Variants in RAB2B observed in about 807,000 individuals in gnomAD.
The protein encoded by RAB2B is RAB2B, member RAS oncogene family.
Under a neutral mutation model 29.8 loss-of-function variants are expected in RAB2B, and 20 were observed. That is an observed-to-expected ratio of 0.67 (90% CI 0.47 to 0.97). The LOEUF is 0.97. Ranked by LOEUF, RAB2B falls within the 50% of genes least tolerant of loss-of-function variation. The pLI, the probability that RAB2B is intolerant of heterozygous loss-of-function variation, is 0.00. For missense variants in RAB2B, 218 were observed against 272.0 expected, an observed-to-expected ratio of 0.80 and a Z score of 1.40; for synonymous variants, 93 against 91.7, an observed-to-expected ratio of 1.01 and a Z score of -0.08.
In RAB2B at chr14:21,471,627, AAAAAG is replaced by A. The variant is rs1471919783; in HGVS notation, c.187-2880_187-2876del. Among the ~76,000 whole-genome samples the A allele has an allele frequency of 4.0e-5, 6 of 150,968 alleles. No individual in the cohort carries two copies. In the East Asian group the frequency reaches 9.7e-4, roughly 24 times the overall value. ...AGCAAGACCCTGTCAAAAAAAAAAA[AAAAAG>A]AAAAGAAAAGATGCAGCAGCAACGA... is the stretch of plus-strand genomic sequence containing the variant. On this transcript the variant is annotated intron_variant, in intron 3 of 7. Coordinates refer to ENST00000397762, the MANE Select transcript of RAB2B (RefSeq NM_032846.4).
At position 21,460,262 on chromosome 14, in the gene RAB2B, T is replaced by C. The variant is rs769215140; in HGVS notation, c.*934A>G. The C allele has an allele frequency of 1.9e-6, 1 of 518,930 alleles. No individual in the cohort carries two copies. Among genetic ancestry groups the C allele is most frequent in the Admixed American group, 1.9e-5 (1 of 51,582 alleles). The allele number at this position is 518,930 out of a possible 1,614,324, so 32.1% of individuals were successfully genotyped here. The stretch of plus-strand genomic sequence containing the variant: ...AATAGAATGTCTTTGACCCTAATTC[T>C]TAGTGGGAAGTGGATTGTATATGCT... On this transcript the variant is annotated 3_prime_UTR_variant, in exon 8 of 8. Coordinates refer to ENST00000397762, the MANE Select transcript of RAB2B (RefSeq NM_032846.4).
chr14:21,476,756 C>T (rs1327720298), intron 1 of RAB2B, 71 bp downstream of exon 1: 2 of 1,600,764 alleles, frequency 1.2e-6, no homozygotes, highest in South Asian at 1.1e-5. Context: ...AAGTGAGCCC[C>T]GCCCCCGCCA....
At position 21,459,965 on chromosome 14, in the gene RAB2B, T is replaced by C; in HGVS notation, c.*1231A>G. 1 of 333,868 alleles carries C rather than the reference T, an allele frequency of 3.0e-6. No homozygotes were observed. The highest frequency in any genetic ancestry group is 7.5e-5 in the East Asian group (1 of 13,396). The allele number at this position is 333,868 out of a possible 1,614,324, so 20.7% of individuals were successfully genotyped here. A position where few individuals can be genotyped will look rare whatever the true frequency, so the allele number is the denominator to read the frequency against. ...ATAAAATGAACAGGGAACAAATGTT[T>C]TCTTTAGGTAATAATAAGTGGCCAC... On this transcript the variant is annotated 3_prime_UTR_variant, in exon 8 of 8. Transcript: ENST00000397762.
chr14:21,468,412 C>A lies in RAB2B; in HGVS notation c.307G>T (p.Asp103Tyr). The change falls in exon 5 of 8, where the codon GAT becomes TAT. Residue 103 changes from aspartate (D) to tyrosine (Y), a missense_variant. Coordinates refer to ENST00000397762, the MANE Select transcript of RAB2B (RefSeq NM_032846.4). The part of the protein sequence containing the change: ...TFNHLTSWLE[D>Y]ARQHSSSNMV... ...TTGGAACTAGAGTGCTGCCGGGCAT[C>A]CTCTAACCATGAGGTCAGGTGGTTG... 1.2e-6 allele frequency: 2 copies of A among 1,613,980 alleles called. No homozygotes were observed. The highest frequency in any genetic ancestry group is 1.7e-6 in the Non-Finnish European group (2 of 1,180,000).
chr14:21,462,101 A>G (rs1449842682), intron 7 of RAB2B, among the ~76,000 whole-genome samples: 3 of 151,812 alleles, frequency 2.0e-5, no homozygotes, highest in South Asian at 4.2e-4. Context: ...AATCTCCCAT[A>G]TTGTGTAAGT....
At chr14:21,471,849 T>G (rs1260919547) in intron 3 of RAB2B, among the ~76,000 whole-genome samples, 1 of 151,794 alleles carries the variant, frequency 6.6e-6, no homozygotes, top group Non-Finnish European at 1.5e-5. Flanking sequence ...CTAATTTTTT[T>G]ATTTTTAGTA....
intron 2 of RAB2B, 123 bp downstream of exon 2, chr14:21,476,405 G>A: frequency 1.0e-6 from 1 of 955,322 alleles, no homozygotes; most frequent in Non-Finnish European, 1.6e-6. Context: ...CATAAGTTTG[G>A]ACTAGTTTAA....
At chr14:21,466,565 G>C (rs1027743045) in intron 5 of RAB2B, among the ~76,000 whole-genome samples, 5 of 152,088 alleles carry the variant, frequency 3.3e-5, no homozygotes, top group African/African-American at 1.2e-4. Flanking sequence ...AGTACACTCT[G>C]GGCACTACTA....
At position 21,460,552 on chromosome 14, in the gene RAB2B, T is replaced by A; in HGVS notation, c.*644A>T. On this transcript the variant is annotated 3_prime_UTR_variant, in exon 8 of 8. Coordinates refer to ENST00000397762, the MANE Select transcript of RAB2B (RefSeq NM_032846.4). ...GTGAGCCAAGATCATGCCACTGCAC[T>A]CCAGCCTGGAGACAGAGTGAGACTC... 1 of 122,726 alleles carries A rather than the reference T, an allele frequency of 8.1e-6. No individual in the cohort carries two copies. Among genetic ancestry groups the A allele is most frequent in the South Asian group, 2.3e-4 (1 of 4,348 alleles). The allele number at this position is 122,726 out of a possible 1,614,324, so 7.6% of individuals were successfully genotyped here.
chr14:21,466,755 G>C (rs994876418), intron 5 of RAB2B, among the ~76,000 whole-genome samples: 6 of 152,160 alleles, frequency 3.9e-5, no homozygotes, highest in Non-Finnish European at 8.8e-5. Flanking sequence ...GGCAGTTGCT[G>C]TTATAAAAAA....
intron 3 of RAB2B, among the ~76,000 whole-genome samples, chr14:21,470,005 G>A (rs553896640): frequency 1.4e-4 from 20 of 147,082 alleles, no homozygotes; most frequent in African/African-American, 4.9e-4. Flanking sequence ...GGGCTGGAGT[G>A]CAGTGGCGCA....
At chr14:21,463,553 T>A (rs957008083) in intron 6 of RAB2B, 103 bp downstream of exon 6, 1 of 901,846 alleles carries the variant, frequency 1.1e-6, no homozygotes, top group African/African-American at 1.7e-5. Flanking sequence ...GGCCAAGACA[T>A]CCTTTCTTTA....
intron 3 of RAB2B, among the ~76,000 whole-genome samples, chr14:21,470,607 A>T (rs1456905898): frequency 6.6e-6 from 1 of 152,190 alleles, no homozygotes; most frequent in Non-Finnish European, 1.5e-5. Context: ...ATATTTTAAG[A>T]TTAAAAAAAT....
In RAB2B at chr14:21,461,263, G is replaced by A. The variant is rs757910545; in HGVS notation, c.584C>T (p.Thr195Ile). Residue 195 changes from threonine to isoleucine, a missense_variant, in exon 8 of 8, where the codon ACA becomes ATA. Coordinates refer to ENST00000397762, the MANE Select transcript of RAB2B (RefSeq NM_032846.4). ...CTGGGAGGCACTGGGTCCCACTGAT[G>A]TTGAAATTGACTGTTGGGGCCCAAT... Reference protein sequence around the residue: ...IKIGPQQSISTSVGPSASQRN... With the variant: ...IKIGPQQSISISVGPSASQRN... 8.1e-6 allele frequency: 13 copies of A among 1,613,860 alleles called. No homozygotes were observed. The highest frequency in any genetic ancestry group is 1.1e-5 in the Non-Finnish European group (13 of 1,179,854).
At chr14:21,468,603 G>GAAAAA in intron 4 of RAB2B, 67 bp downstream of exon 4, 1 of 1,081,620 alleles carries the variant, frequency 9.2e-7, no homozygotes, top group Non-Finnish European at 1.3e-6. Flanking sequence ...TCAGTAGATA[G>GAAAAA]AAAAAAAAAA....
chr14:21,463,526 C>G (rs1890616151), intron 6 of RAB2B, 130 bp downstream of exon 6: 19 of 679,656 alleles, frequency 2.8e-5, no homozygotes, highest in Non-Finnish European at 4.3e-5. Context: ...GGATTACAGG[C>G]ATGAGCCACC....
chr14:21,476,513 A>G lies in RAB2B; in HGVS notation c.118+15T>C. On this transcript the variant is annotated intron_variant, in intron 2 of 7. Coordinates refer to ENST00000397762, the MANE Select transcript of RAB2B (RefSeq NM_032846.4). ...AGGTTTTATCATCTGTTCTGGAACA[A>G]GTAGATGCACTTACCTATTGTGAGG... 1 of 1,613,740 alleles carries G rather than the reference A, an allele frequency of 6.2e-7. No homozygotes were observed. Among genetic ancestry groups the G allele is most frequent in the Non-Finnish European group, 8.5e-7 (1 of 1,179,998 alleles).
chr14:21,470,910 G>C lies in RAB2B; in HGVS notation c.187-2158C>G, dbSNP rs1442735266. ...CATGCCTGTAATCCCAGCACTTTGG[G>C]AGGCCAAGGCGGGCAGATCACGAGG... On this transcript the variant is annotated intron_variant, in intron 3 of 7. Coordinates refer to ENST00000397762, the MANE Select transcript of RAB2B (RefSeq NM_032846.4). 3.3e-5 allele frequency among the ~76,000 whole-genome samples: 5 copies of C among 150,410 alleles called. No homozygotes were observed. In the East Asian group the frequency reaches 9.8e-4, roughly 29 times the overall value.
intron 3 of RAB2B, among the ~76,000 whole-genome samples, 200 bp from the exon 4 acceptor site, chr14:21,468,952 T>C (rs1399817937): frequency 6.6e-6 from 1 of 150,926 alleles, no homozygotes; most frequent in Non-Finnish European, 1.5e-5. Context: ...TGGGAGTGCA[T>C]TGATATTTTG....
Sources: allele counts gnomAD v4.1 joint callset (sites outside exome capture counted in the v4.1 genomes callset), GRCh38; gene constraint gnomAD v4.1.1; transcripts MANE v1.5; gene names NCBI Gene and HGNC (gene_info 2026-07-23, HGNC 2026-07-21).